The following FADS6 variants were observed in gnomAD, a reference collection of about 807,000 sequenced individuals.
FADS6 encodes the protein fatty acid desaturase 6.
In FADS6, 28 loss-of-function variants were observed where a neutral mutation model predicts 31.7. The ratio of observed to expected loss-of-function variants is 0.88; its 90% confidence interval spans 0.66 to 1.21. FADS6 has a LOEUF of 1.21. Ranked by LOEUF, FADS6 falls within the 50% of genes most tolerant of loss-of-function variation. FADS6 has a pLI of 0.00. For synonymous variants in FADS6, 191 were observed against 213.1 expected (o/e 0.90, Z 0.90); for missense variants, 494 against 504.2 (o/e 0.98, Z 0.19).
At position 74,878,460 on chromosome 17, in the gene FADS6, G is replaced by A. The variant is rs2038531237; in HGVS notation, c.978C>T (p.Ser326=). 1 of 1,613,956 alleles carries A rather than the reference G, an allele frequency of 6.2e-7. No homozygotes were observed. ...GTAGCTGCTTCTCACGTAGGAACTG[G>A]GACACCACGGGCTTCACCTGGTGGA... The part of the protein sequence containing the change: ...NMCLKVKPVV[S]QFLREKQLPY... The change falls in exon 6 of 6, where the codon TCC becomes TCT. Residue 326 remains serine (S), a synonymous_variant. Coordinates refer to ENST00000612771, the MANE Select transcript of FADS6 (RefSeq NM_178128.6).
chr17:74,888,148 A>AGTG (rs2038646225), intron 2 of FADS6, among the ~76,000 whole-genome samples: 1 of 122,840 alleles, frequency 8.1e-6, no homozygotes, highest in Non-Finnish European at 1.6e-5. Context: ...ACACACACAC[A>AGTG]CACACACGCG....
rs2038583177 is a variant in FADS6, at chr17:74,882,620, T to G, written c.502A>C (p.Ser168Arg). ...YTNVVGLGDS[S>R]TWRLPCLNRY... ...TTGAGGCAAGGCAGCCTCCACGTGC[T>G]GGAGTCCCCCAGGCCCACCACGTTG... The change falls in exon 3 of 6, where the codon AGC becomes CGC. Residue 168 changes from serine to arginine, a missense_variant. By Grantham distance (110) the Ser-to-Arg change is moderately radical. Around this residue, in one of 2 missense-constraint regions of FADS6, gnomAD observed 454 missense variants for 438.5 expected, o/e 1.04. Transcript: ENST00000612771. The G allele has an allele frequency of 6.2e-7, 1 of 1,611,492 alleles. No homozygotes were observed. The highest frequency in any genetic ancestry group is 1.3e-5 in the African/African-American group (1 of 74,904).
At chr17:74,885,503 G>A (rs2038613747) in intron 2 of FADS6, among the ~76,000 whole-genome samples, 1 of 152,108 alleles carries the variant, frequency 6.6e-6, no homozygotes, top group Admixed American at 6.5e-5. Flanking sequence ...AGAGTCTGGA[G>A]AGAGGAACGG....
intron 3 of FADS6, 95 bp from the exon 4 acceptor site, chr17:74,881,350 T>C (rs2038566909): frequency 1.7e-6 from 2 of 1,201,154 alleles, no homozygotes; most frequent in Non-Finnish European, 2.3e-6. Context: ...AGGCCAGGCG[T>C]GTTCAATTCA....
chr17:74,876,732 A>T (rs550680017), downstream of FADS6, among the ~76,000 whole-genome samples: 1 of 152,192 alleles, frequency 6.6e-6, no homozygotes, highest in East Asian at 1.9e-4. Flanking sequence ...GGGAGGCAGA[A>T]GTTGCAGTGA....
In FADS6 at chr17:74,877,662, C is replaced by A; in HGVS notation, c.*669G>T. Reference sequence around the variant, plus strand: ...ATTTATACTCTTTCCCTAACTCTGTCCCTGGGGAACCTTCTCCCCTCACTT... The same window carrying A: ...ATTTATACTCTTTCCCTAACTCTGTACCTGGGGAACCTTCTCCCCTCACTT... On this transcript the variant is annotated 3_prime_UTR_variant, in exon 6 of 6. Transcript: ENST00000612771. The A allele has an allele frequency of 1.0e-6, 1 of 979,712 alleles. No homozygotes were observed. The allele number at this position is 979,712 out of a possible 1,614,324, so 60.7% of individuals were successfully genotyped here.
intron 2 of FADS6, among the ~76,000 whole-genome samples, chr17:74,888,022 C>CT (rs2038642160): frequency 6.6e-6 from 1 of 151,960 alleles, no homozygotes; most frequent in Non-Finnish European, 1.5e-5. Flanking sequence ...TTGTATGTGT[C>CT]TTTTTTGCAC....
intron 5 of FADS6, chr17:74,879,045 T>C (rs997288718): frequency 5.6e-6 from 1 of 179,790 alleles, no homozygotes; most frequent in South Asian, 1.3e-4. Flanking sequence ...CACCTTTTTT[T>C]TTTTTTTTTT....
chr17:74,881,625 C>A (rs2038570447), intron 3 of FADS6, among the ~76,000 whole-genome samples: 1 of 151,472 alleles, frequency 6.6e-6, no homozygotes, highest in Admixed American at 6.6e-5. Flanking sequence ...TCGGGTGATC[C>A]TTCCACTTCA....
intron 2 of FADS6, among the ~76,000 whole-genome samples, chr17:74,883,126 C>T (rs538023812): frequency 5.9e-5 from 9 of 152,326 alleles, no homozygotes; most frequent in Admixed American, 3.9e-4. Context: ...ACTCTCAGCC[C>T]GGAGCAGCAG....
In FADS6 at chr17:74,881,206, CA is replaced by C; in HGVS notation, c.641del (p.Leu214ArgfsTer14). 6.2e-7 allele frequency: 1 copy of C among 1,610,492 alleles called. No homozygotes were observed. The highest frequency in any genetic ancestry group is 8.5e-7 in the Non-Finnish European group (1 of 1,178,404). ...ELGTALRTLALISLGLYSHYW... is the reference protein window; with the variant it reads ...ELGTALRTLAXISLGLYSHYW... ...AGTGAGAATAAAGGCCCAGAGAAAT[CA>C]GGGCCAGCGTCCGCAGGGCTGTCCC... On this transcript the variant is annotated frameshift_variant, in exon 4 of 6. Transcript: ENST00000612771. LOFTEE classifies it high-confidence loss of function.
Position 74,892,672 on chromosome 17 carries a change from A to T in FADS6, c.262T>A (p.Trp88Arg). 1 of 1,612,656 alleles carries T rather than the reference A, an allele frequency of 6.2e-7. No individual in the cohort carries two copies. Among genetic ancestry groups the T allele is most frequent in the South Asian group, 1.1e-5 (1 of 90,934 alleles). Residue 88 changes from tryptophan (W) to arginine (R), a missense_variant, in exon 2 of 6, where the codon TGG becomes AGG. This residue lies in a region of FADS6 where 454 missense variants were observed against 438.5 expected (regional missense o/e 1.04). Coordinates refer to ENST00000612771, the MANE Select transcript of FADS6 (RefSeq NM_178128.6). Reference protein sequence around the residue: ...ALPAGFLCLRWENALVFASGI... With the variant: ...ALPAGFLCLRRENALVFASGI... ...GATGCAAAGACCAGGGCATTCTCCCAGCGCAGGCACAGGAAGCCTGCGTGG... is the reference window on the plus strand; with the variant it reads ...GATGCAAAGACCAGGGCATTCTCCCTGCGCAGGCACAGGAAGCCTGCGTGG...
chr17:74,875,811 G>A (rs760476716), downstream of FADS6, among the ~76,000 whole-genome samples: 5 of 152,188 alleles, frequency 3.3e-5, no homozygotes, highest in African/African-American at 9.7e-5. Flanking sequence ...AGCCTGCCTC[G>A]TGCCAAGAGG....
At chr17:74,879,058 G>C (rs1179700821) in intron 5 of FADS6, 1 of 76,382 alleles carries the variant, frequency 1.3e-5, no homozygotes, top group African/African-American at 9.0e-5. Context: ...TTTTTTTTTT[G>C]AGACAGGGTC....
chr17:74,878,583 C>A (rs145645089), intron 5 of FADS6, 106 bp from the exon 6 acceptor site: 5 of 1,376,210 alleles, frequency 3.6e-6, no homozygotes, highest in African/African-American at 2.9e-5. Flanking sequence ...CAGTTCCTAT[C>A]GGCCTTGTTC....
rs576359470 is a variant in FADS6 at position 74,878,450 on chromosome 17, G to T, written c.988C>A (p.Arg330Ser). 1 of 1,614,030 alleles carries T rather than the reference G, an allele frequency of 6.2e-7. No homozygotes were observed. Among genetic ancestry groups the T allele is most frequent in the East Asian group, 2.2e-5 (1 of 44,884 alleles). Residue 330 changes from arginine to serine, a missense_variant, in exon 6 of 6, where the codon CGT (arginine) becomes AGT (serine). Transcript: ENST00000612771. ...KVKPVVSQFL[R>S]EKQLPYNEDS... is the part of the protein sequence containing the mutation. ...TCGTTGTACGGTAGCTGCTTCTCAC[G>T]TAGGAACTGGGACACCACGGGCTTC...
chr17:74,884,906 G>T (rs1359263539), intron 2 of FADS6, among the ~76,000 whole-genome samples: 1 of 151,822 alleles, frequency 6.6e-6, no homozygotes, highest in Non-Finnish European at 1.5e-5. Flanking sequence ...ACGGAGTTTC[G>T]CCACGTTGGC....
rs778119573 is a variant in FADS6, at chr17:74,893,475, C to A, written c.121G>T (p.Gly41Cys). 6.3e-7 allele frequency: 1 copy of A among 1,581,664 alleles called. No homozygotes were observed. Among genetic ancestry groups the A allele is most frequent in the Non-Finnish European group, 8.6e-7 (1 of 1,166,596 alleles). The change falls in exon 1 of 6, where the codon GGC (glycine) becomes TGC (cysteine). Residue 41 changes from glycine (G) to cysteine (C), a missense_variant. Physicochemically the swap from Gly to Cys is radical, Grantham distance 159 (BLOSUM62 -3). Transcript: ENST00000612771. The stretch of plus-strand genomic sequence containing the variant: ...TCCAGCTCCCGCAGCAGCGCCTCGC[C>A]CCCACGGTGCGCGCTCCGCGCCGGT... ...MEPARSAHRG[G>C]EALLRELEVL... is the part of the protein sequence containing the mutation.
chr17:74,885,139 T>C (rs1023222810), intron 2 of FADS6, among the ~76,000 whole-genome samples: 1 of 152,022 alleles, frequency 6.6e-6, no homozygotes, highest in Non-Finnish European at 1.5e-5. Context: ...TCCTCCTCAC[T>C]GTGCAGTAGC....
Sources: allele counts gnomAD v4.1 joint callset (sites outside exome capture counted in the v4.1 genomes callset), GRCh38; gene constraint gnomAD v4.1.1; regional missense constraint gnomAD v4.1.1; transcripts MANE v1.5; gene names NCBI Gene and HGNC (gene_info 2026-07-23, HGNC 2026-07-21).